Variants in SRGAP2B observed in about 807,000 individuals in gnomAD.
The protein encoded by SRGAP2B is SLIT-ROBO Rho GTPase activating protein 2B.
SRGAP2B carries 9 observed loss-of-function variants against 22.2 expected under a neutral mutation model. The observed-to-expected ratio is 0.41, with a 90% CI of 0.24 to 0.71. The LOEUF is 0.71. Ranked by LOEUF, SRGAP2B falls within the 30% of genes least tolerant of loss-of-function variation. The probability of loss-of-function intolerance (pLI) is 0.35; values close to 1 mark genes in which losing one functional copy is unlikely to be tolerated. For missense variants in SRGAP2B, 114 were observed against 235.8 expected (o/e 0.48, Z 3.38); for synonymous variants, 36 against 87.4 (o/e 0.41, Z 3.28).
At chr1:144,997,491 G>C (rs1670786508) in intron 2 of SRGAP2B, among the ~76,000 whole-genome samples, 1 of 149,798 alleles carries the variant, frequency 6.7e-6, no homozygotes, top group East Asian at 2.0e-4. Flanking sequence ...TCCAGGTACT[G>C]AATCAGTAAC....
chr1:145,080,272 C>T (rs587746392), intron 2 of SRGAP2B, among the ~76,000 whole-genome samples: 1 of 148,296 alleles, frequency 6.7e-6, no homozygotes, highest in East Asian at 2.0e-4. Flanking sequence ...ACCTGTAGGC[C>T]CATCAAGTAA....
intron 3 of SRGAP2B, among the ~76,000 whole-genome samples, chr1:144,964,497 ATACT>A (rs1291481318): frequency 6.6e-6 from 1 of 150,746 alleles, no homozygotes; most frequent in African/African-American, 2.5e-5. Flanking sequence ...AACCATGTTG[ATACT>A]TTACTGGCAA....
chr1:144,984,379 C>T lies in SRGAP2B; in HGVS notation c.260+10629G>A, dbSNP rs12121572. 4.9e-3 allele frequency among the ~76,000 whole-genome samples: 529 copies of T among 107,382 alleles called. 8 individuals are homozygous for T. The highest frequency in any genetic ancestry group is 7.6e-3 in the Non-Finnish European group (352 of 46,306). 70.4% of individuals were successfully genotyped at this position (107,382 alleles called of 152,430 possible). On this transcript the variant is annotated intron_variant, in intron 3 of 9. Transcript: ENST00000612199. ...AACAACAACAACAAAAAAAAAAAAA[C>T]AAAAAAGCCCCTCTCTATTTCTTTT...
intron 2 of SRGAP2B, among the ~76,000 whole-genome samples, chr1:145,042,015 T>G (rs1832502): frequency 6.7e-6 from 1 of 148,942 alleles, no homozygotes; most frequent in Non-Finnish European, 1.5e-5. Context: ...AGAAGCAAGA[T>G]TTTACACAAC....
intron 4 of SRGAP2B, among the ~76,000 whole-genome samples, chr1:144,923,425 A>G (rs1423196159): frequency 6.7e-6 from 1 of 150,258 alleles, no homozygotes; most frequent in Non-Finnish European, 1.5e-5. Flanking sequence ...TTTCCCAAGC[A>G]GGACACTAAA....
intron 2 of SRGAP2B, among the ~76,000 whole-genome samples, chr1:145,075,912 A>G (rs1427715659): frequency 9.4e-5 from 14 of 149,546 alleles, no homozygotes; most frequent in African/African-American, 2.8e-4. Context: ...ACACAGTGAA[A>G]CCCCGTCTCT....
intron 2 of SRGAP2B, among the ~76,000 whole-genome samples, chr1:144,997,013 G>A (rs587683975): frequency 6.7e-6 from 1 of 149,482 alleles, no homozygotes; most frequent in East Asian, 2.0e-4. Context: ...TATTCCTGTA[G>A]GCATCTGTCC....
chr1:144,951,632 TATA>T (rs1190660465), intron 4 of SRGAP2B, among the ~76,000 whole-genome samples: 3 of 150,198 alleles, frequency 2.0e-5, no homozygotes, highest in African/African-American at 7.5e-5. Context: ...AGGTTCAAAA[TATA>T]ATGACTTCTA....
chr1:144,941,806 ACT>A (rs1270443785), intron 4 of SRGAP2B, among the ~76,000 whole-genome samples: 2 of 149,732 alleles, frequency 1.3e-5, no homozygotes, highest in South Asian at 2.1e-4. Context: ...CAAAGGTGTT[ACT>A]CTCTCTCTGG....
intron 2 of SRGAP2B, among the ~76,000 whole-genome samples, chr1:145,017,422 C>A (rs1443209464): frequency 6.9e-6 from 1 of 145,462 alleles, no homozygotes; most frequent in Admixed American, 6.8e-5. Flanking sequence ...ACTGGATGAA[C>A]CTGATTCCCT....
intron 3 of SRGAP2B, among the ~76,000 whole-genome samples, chr1:144,994,567 T>TGTGAGAGAGAGAGA (rs72366347): frequency 8.2e-6 from 1 of 122,430 alleles, no homozygotes; most frequent in Non-Finnish European, 1.6e-5. Flanking sequence ...TGTGTGTGTG[T>TGTGAGAGAGAGAGA]GAGAGAGAGA....
chr1:145,009,037 C>A (rs1553621717), intron 2 of SRGAP2B, among the ~76,000 whole-genome samples: 1 of 146,874 alleles, frequency 6.8e-6, no homozygotes, highest in Admixed American at 6.7e-5. Context: ...AGTAGCTGGG[C>A]GTGGTGGCGG....
chr1:144,925,169 AT>A (rs1180890100), intron 4 of SRGAP2B, among the ~76,000 whole-genome samples: 1 of 149,664 alleles, frequency 6.7e-6, no homozygotes, highest in Non-Finnish European at 1.5e-5. Flanking sequence ...TGCCTGGATA[AT>A]TTTTTGTATT....
At chr1:144,995,895 T>A (rs1200401755) in intron 2 of SRGAP2B, among the ~76,000 whole-genome samples, 1 of 150,972 alleles carries the variant, frequency 6.6e-6, no homozygotes, top group Non-Finnish European at 1.5e-5. Flanking sequence ...CATCACAGAA[T>A]GAAAATCATT....
rs1420221051 is a variant in SRGAP2B at position 145,084,757 on chromosome 1, G to A, written c.67+8078C>T. Among the ~76,000 whole-genome samples the A allele has an allele frequency of 2.0e-5, 3 of 151,772 alleles. No individual in the cohort carries two copies. The East Asian group carries it at 5.9e-4, about 30-fold the overall frequency. ...ATGAAGTTCATGTCTACCTTAGAAA[G>A]TTGGTCTGTATTTAGCAGGCAATAG... On this transcript the variant is annotated intron_variant, in intron 2 of 9. Transcript: ENST00000612199.
At chr1:145,080,613 C>A (rs9777977) in intron 2 of SRGAP2B, among the ~76,000 whole-genome samples, 1 of 146,694 alleles carries the variant, frequency 6.8e-6, no homozygotes, top group Admixed American at 6.7e-5. Flanking sequence ...TGCAATGGTG[C>A]GATCTGGGCT....
chr1:145,045,276 G>A lies in SRGAP2B; in HGVS notation c.67+47559C>T, dbSNP rs371314562. Among the ~76,000 whole-genome samples, 4 of 119,838 alleles carry A rather than the reference G, an allele frequency of 3.3e-5. No homozygotes were observed. In the South Asian group the frequency reaches 1.3e-3, roughly 39 times the overall value. The allele number at this position is 119,838 out of a possible 152,430, so 78.6% of individuals were successfully genotyped here. ...CTAGCCACTGCACTCCAGCCTGGGG[G>A]ACGGAGCGAGACTCCGCCTCAAAAA... On this transcript the variant is annotated intron_variant, in intron 2 of 9. Transcript: ENST00000612199.
At chr1:145,073,093 G>C (rs1228357661) in intron 2 of SRGAP2B, among the ~76,000 whole-genome samples, 4 of 150,330 alleles carry the variant, frequency 2.7e-5, no homozygotes, top group Non-Finnish European at 4.4e-5. Flanking sequence ...AGGGCACAGG[G>C]ATAGAAAATG....
chr1:144,904,173 C>A (rs1455524132), intron 7 of SRGAP2B, among the ~76,000 whole-genome samples: 2 of 149,996 alleles, frequency 1.3e-5, no homozygotes, highest in African/African-American at 5.0e-5. Context: ...CCCTAATTTG[C>A]GCATAACCTT....
Sources: allele counts gnomAD v4.1 joint callset (sites outside exome capture counted in the v4.1 genomes callset), GRCh38; gene constraint gnomAD v4.1.1; transcripts MANE v1.5; gene names NCBI Gene and HGNC (gene_info 2026-07-23, HGNC 2026-07-21).